The following CHCHD3 variants were observed in gnomAD, a reference collection of about 807,000 sequenced individuals.
CHCHD3 encodes MICOS complex subunit MIC19.
Under a neutral mutation model 38.2 loss-of-function variants are expected in CHCHD3, and 20 were observed. The observed-to-expected ratio is 0.52, with a 90% CI of 0.37 to 0.76. The LOEUF is 0.76. CHCHD3 is among the 30% of genes least tolerant of loss of function. CHCHD3 has a pLI of 0.00. For synonymous variants in CHCHD3, 82 were observed against 100.0 expected (o/e 0.82, Z 1.07); for missense variants, 245 against 279.2 (o/e 0.88, Z 0.87).
intron 1 of CHCHD3, among the ~76,000 whole-genome samples, chr7:133,076,512 C>G (rs1814995766): frequency 6.6e-6 from 1 of 152,112 alleles, no homozygotes; most frequent in African/African-American, 2.4e-5. Context: ...CTCTATTGCT[C>G]CTAAAGACAA....
intron 5 of CHCHD3, among the ~76,000 whole-genome samples, chr7:132,839,611 T>C: frequency 6.6e-6 from 1 of 152,230 alleles, no homozygotes; most frequent in East Asian, 1.9e-4. Flanking sequence ...ATGCATGGCT[T>C]GCAATCATTT....
At chr7:132,894,934 A>G (rs1468974) in intron 4 of CHCHD3, among the ~76,000 whole-genome samples, 108,689 of 152,174 alleles carry the variant, frequency 0.71, 38,975 homozygotes, top group African/African-American at 0.75. Flanking sequence ...TTAGAAGCTC[A>G]AAAAGTAGGA....
intron 5 of CHCHD3, among the ~76,000 whole-genome samples, chr7:132,880,691 G>A (rs1223088781): frequency 6.6e-6 from 1 of 152,032 alleles, no homozygotes; most frequent in Non-Finnish European, 1.5e-5. Context: ...TGTGTCCTCA[G>A]GAGTGTACAA....
intron 4 of CHCHD3, among the ~76,000 whole-genome samples, chr7:132,952,443 C>T (rs542200994): frequency 6.6e-6 from 1 of 152,172 alleles, no homozygotes; most frequent in South Asian, 2.1e-4. Flanking sequence ...GCACAAAATT[C>T]GCAACTTTAA....
At chr7:132,991,155 T>C (rs891623114) in intron 3 of CHCHD3, among the ~76,000 whole-genome samples, 6 of 152,248 alleles carry the variant, frequency 3.9e-5, no homozygotes, top group Non-Finnish European at 7.3e-5. Flanking sequence ...GATTCTTACA[T>C]TGAGCTGCTA....
At chr7:132,860,923 C>T (rs532234278) in intron 5 of CHCHD3, among the ~76,000 whole-genome samples, 6 of 152,192 alleles carry the variant, frequency 3.9e-5, no homozygotes, top group South Asian at 2.1e-4. Flanking sequence ...CACTCCCGGC[C>T]CAGACTCAAG....
intron 4 of CHCHD3, among the ~76,000 whole-genome samples, chr7:132,916,020 C>T (rs1810097580): frequency 6.6e-6 from 1 of 150,776 alleles, no homozygotes; most frequent in Admixed American, 6.6e-5. Context: ...AGAATCAATA[C>T]ATATGGGTGA....
chr7:132,993,145 A>T (rs1311642411), intron 3 of CHCHD3, among the ~76,000 whole-genome samples: 6 of 152,138 alleles, frequency 3.9e-5, no homozygotes, highest in Non-Finnish European at 8.8e-5. Flanking sequence ...GAGTTCTGAA[A>T]TTTTAGCTGT....
chr7:132,852,003 T>C (rs1178981711), intron 5 of CHCHD3, among the ~76,000 whole-genome samples: 1 of 152,180 alleles, frequency 6.6e-6, no homozygotes, highest in Non-Finnish European at 1.5e-5. Flanking sequence ...TCTTGAAAAC[T>C]GTGGGCCAAG....
At chr7:133,025,121 T>A (rs938703048) in intron 2 of CHCHD3, among the ~76,000 whole-genome samples, 13 of 152,238 alleles carry the variant, frequency 8.5e-5, no homozygotes, top group African/African-American at 2.9e-4. Context: ...AAAAAAGCCA[T>A]TTGTCATTTA....
chr7:133,021,814 C>A (rs1692438315), intron 3 of CHCHD3, among the ~76,000 whole-genome samples: 1 of 152,004 alleles, frequency 6.6e-6, no homozygotes, highest in Admixed American at 6.6e-5. Context: ...ATGCCAGGCA[C>A]GGTGGCTCAT....
chr7:132,898,920 A>C (rs953100737), intron 4 of CHCHD3, among the ~76,000 whole-genome samples: 4 of 152,128 alleles, frequency 2.6e-5, no homozygotes, highest in African/African-American at 9.7e-5. Flanking sequence ...CGCCAAGCCC[A>C]CACCCACCCG....
At chr7:132,944,555 G>T (rs928092366) in intron 4 of CHCHD3, among the ~76,000 whole-genome samples, 2 of 151,440 alleles carry the variant, frequency 1.3e-5, no homozygotes, top group African/African-American at 4.8e-5. Context: ...TGCTATAATA[G>T]AAATATTACA....
intron 2 of CHCHD3, among the ~76,000 whole-genome samples, chr7:133,060,275 G>A (rs1814464620): frequency 6.6e-6 from 1 of 152,278 alleles, no homozygotes; most frequent in African/African-American, 2.4e-5. Flanking sequence ...ACCAAAGCAA[G>A]GGGGAGTGCT....
intron 4 of CHCHD3, among the ~76,000 whole-genome samples, chr7:132,944,143 T>G (rs972932224): frequency 3.9e-5 from 6 of 152,146 alleles, no homozygotes; most frequent in Non-Finnish European, 8.8e-5. Context: ...AGTCATTAAT[T>G]GCTCCTTAGC....
At chr7:132,832,173 T>C (rs1391889883) in intron 6 of CHCHD3, among the ~76,000 whole-genome samples, 2 of 152,228 alleles carry the variant, frequency 1.3e-5, no homozygotes, top group African/African-American at 2.4e-5. Flanking sequence ...GAGTTCTGCA[T>C]AGTATTCCTC....
At chr7:133,044,179 C>T (rs1054617120) in intron 2 of CHCHD3, among the ~76,000 whole-genome samples, 2 of 152,140 alleles carry the variant, frequency 1.3e-5, no homozygotes, top group East Asian at 1.9e-4. Flanking sequence ...GGGCTGAAAC[C>T]CCTTTGCCTG....
rs554761239 is a variant in CHCHD3, at chr7:132,979,658, G to C, written c.252-4372C>G. Among the ~76,000 whole-genome samples the C allele has an allele frequency of 5.3e-5, 8 of 152,292 alleles. No individual in the cohort carries two copies. In the South Asian group the frequency reaches 8.3e-4, roughly 16 times the overall value. On this transcript the variant is annotated intron_variant, in intron 3 of 7. Transcript: ENST00000262570. ...TTCAGTTAGATTCCTGTGACACTTAGAAGGGTCTCTGAGGCATGAAATCAC... is the reference window on the plus strand; with the variant it reads ...TTCAGTTAGATTCCTGTGACACTTACAAGGGTCTCTGAGGCATGAAATCAC...
intron 3 of CHCHD3, among the ~76,000 whole-genome samples, chr7:133,004,525 A>C (rs1212246153): frequency 2.0e-5 from 3 of 152,240 alleles, no homozygotes. Flanking sequence ...CCTAGAGGTC[A>C]GGTTAACTAA....
Sources: allele counts gnomAD v4.1 joint callset (sites outside exome capture counted in the v4.1 genomes callset), GRCh38; gene constraint gnomAD v4.1.1; transcripts MANE v1.5; gene names NCBI Gene and HGNC (gene_info 2026-07-23, HGNC 2026-07-21).